The following RFTN1 variants were observed in gnomAD, a reference collection of about 807,000 sequenced individuals.
The protein encoded by RFTN1 is raftlin.
A neutral mutation model predicts 46.5 loss-of-function variants in RFTN1; 26 were observed. The observed-to-expected ratio is 0.56, with a 90% confidence interval of 0.41 to 0.78. The LOEUF is 0.78. Ranked by LOEUF, RFTN1 falls within the 30% of genes least tolerant of loss-of-function variation. The pLI is 0.00. For synonymous variants in RFTN1, 261 were observed against 284.2 expected (o/e 0.92, Z 0.82); for missense variants, 693 against 718.7 (o/e 0.96, Z 0.41).
In RFTN1 at chr3:16,493,860, C is replaced by T. The variant is rs750451714; in HGVS notation, c.10G>A (p.Gly4Arg). Residue 4 changes from glycine to arginine, a missense_variant, in exon 2 of 10, where the codon GGA becomes AGA. Physicochemically the swap from Gly to Arg is moderately radical, Grantham distance 125. Coordinates refer to ENST00000334133, the MANE Select transcript of RFTN1 (RefSeq NM_015150.2). ...TCACGTTTCTCTAACTTGTTCAATC[C>T]GCAACCCATTTCAGCAGCTGCTGGC... MGC[G>R]LNKLEKRDEK... 56 of 1,614,006 alleles carry T rather than the reference C, an allele frequency of 3.5e-5. No individual in the cohort carries two copies. The highest frequency in any genetic ancestry group is 1.6e-4 in the Middle Eastern group (1 of 6,084).
At chr3:16,401,697 T>C (rs1300518171) in intron 4 of RFTN1, among the ~76,000 whole-genome samples, 3 of 152,250 alleles carry the variant, frequency 2.0e-5, no homozygotes, top group African/African-American at 4.8e-5. Flanking sequence ...TCACCACAGA[T>C]AGCGTGAGAC....
rs777021534 is a variant in RFTN1, at chr3:16,387,196, G to A, written c.442-9094C>T. ...CTGTCTGACACATCCCACAAATGTC[G>A]CATCCATCCAGTCCACCCAGGGCCA... is the stretch of plus-strand genomic sequence containing the variant. On this transcript the variant is annotated intron_variant, in intron 4 of 9. Transcript: ENST00000334133. This position sits in a 1 kb window ranked among gnomAD's most constrained non-coding sequence, Gnocchi z 5.2. 3.9e-5 allele frequency among the ~76,000 whole-genome samples: 6 copies of A among 151,974 alleles called. No homozygotes were observed. Among genetic ancestry groups the A allele is most frequent in the East Asian group, 1.9e-4 (1 of 5,190 alleles).
In RFTN1 at chr3:16,451,269, C is replaced by T. The variant is rs369878996; in HGVS notation, c.146-17232G>A. ...GTCAAGGGAAGACGGAACAGCAGAA[C>T]GTCTCATCAGTGACCTCCTCTTACC... On this transcript the variant is annotated intron_variant, in intron 2 of 9. Coordinates refer to ENST00000334133, the MANE Select transcript of RFTN1 (RefSeq NM_015150.2). The surrounding 1 kb of genome is among the most constrained non-coding windows in gnomAD (Gnocchi z 4.2). 7.2e-5 allele frequency among the ~76,000 whole-genome samples: 11 copies of T among 152,292 alleles called. No homozygotes were observed. The East Asian group carries it at 9.7e-4, about 13-fold the overall frequency.
chr3:16,367,755 G>A (rs191187428), intron 6 of RFTN1, among the ~76,000 whole-genome samples: 1,495 of 126,810 alleles, frequency 0.012, no homozygotes, highest in South Asian at 0.037. Context: ...GTGGGGTGAC[G>A]GGAAGTAGAG....
chr3:16,366,738 G>C (rs1328500988), intron 6 of RFTN1, among the ~76,000 whole-genome samples: 1 of 152,186 alleles, frequency 6.6e-6, no homozygotes, highest in Non-Finnish European at 1.5e-5. Flanking sequence ...ACTTCACTGA[G>C]GTATTGTGAG....
In RFTN1 at chr3:16,440,836, G is replaced by C. The variant is rs1290741050; in HGVS notation, c.146-6799C>G. ...AAGTCAAGACCTAGCAGCCTGCAGA[G>C]TATGGATGGGGCATTTGATAAAGTT... On this transcript the variant is annotated intron_variant, in intron 2 of 9. Coordinates refer to ENST00000334133, the MANE Select transcript of RFTN1 (RefSeq NM_015150.2). The surrounding 1 kb of genome is among the most constrained non-coding windows in gnomAD (Gnocchi z 4.6). 1.3e-5 allele frequency among the ~76,000 whole-genome samples: 2 copies of C among 152,196 alleles called. No homozygotes were observed. Among genetic ancestry groups the C allele is most frequent in the Non-Finnish European group, 2.9e-5 (2 of 68,046 alleles).
chr3:16,393,163 G>A (rs909218361), intron 4 of RFTN1, among the ~76,000 whole-genome samples: 3 of 152,202 alleles, frequency 2.0e-5, no homozygotes, highest in African/African-American at 7.2e-5. Flanking sequence ...AAGGAAAATA[G>A]AGGAGACAAA....
intron 7 of RFTN1, among the ~76,000 whole-genome samples, chr3:16,333,857 A>G (rs893772772): frequency 6.6e-6 from 1 of 152,216 alleles, no homozygotes; most frequent in South Asian, 2.1e-4. Context: ...GCAGAATCTC[A>G]TAAGAAAAAT....
intron 3 of RFTN1, among the ~76,000 whole-genome samples, chr3:16,420,484 C>T (rs892059636): frequency 1.3e-5 from 2 of 152,246 alleles, no homozygotes; most frequent in African/African-American, 4.8e-5. Flanking sequence ...GAGACTCTCT[C>T]ATGGGACCTG....
At chr3:16,318,912 G>T (rs1390468148) in intron 9 of RFTN1, among the ~76,000 whole-genome samples, 1 of 152,190 alleles carries the variant, frequency 6.6e-6, no homozygotes, top group African/African-American at 2.4e-5. Context: ...AGGCTAAGTG[G>T]TGTCTCAGAC....
rs925939452 is a variant in RFTN1 at position 16,336,774 on chromosome 3, G to A, written c.1147-9898C>T. On this transcript the variant is annotated intron_variant, in intron 7 of 9. Transcript: ENST00000334133. This position sits in a 1 kb window ranked among gnomAD's most constrained non-coding sequence, Gnocchi z 6.0. Reference sequence around the variant, plus strand: ...GAGACTCTTTACCCACCCAGTGCTGGTGAATTCACATCTTTGTCTCATTTT... The same window carrying A: ...GAGACTCTTTACCCACCCAGTGCTGATGAATTCACATCTTTGTCTCATTTT... Among the ~76,000 whole-genome samples, 1 of 152,104 alleles carries A rather than the reference G, an allele frequency of 6.6e-6. No individual in the cohort carries two copies. Among genetic ancestry groups the A allele is most frequent in the Non-Finnish European group, 1.5e-5 (1 of 68,034 alleles).
At chr3:16,330,678 G>C (rs533766091) in intron 7 of RFTN1, among the ~76,000 whole-genome samples, 1 of 152,164 alleles carries the variant, frequency 6.6e-6, no homozygotes, top group African/African-American at 2.4e-5. Flanking sequence ...TTTTCAACTC[G>C]TATAAAAGGA....
At chr3:16,485,145 A>G (rs576374309) in intron 2 of RFTN1, among the ~76,000 whole-genome samples, 22 of 152,352 alleles carry the variant, frequency 1.4e-4, no homozygotes, top group Non-Finnish European at 2.6e-4. Context: ...AAACATCCAC[A>G]CAAAACACTT....
At chr3:16,319,278 G>C (rs976389312) in intron 9 of RFTN1, among the ~76,000 whole-genome samples, 3 of 152,218 alleles carry the variant, frequency 2.0e-5, no homozygotes, top group Non-Finnish European at 4.4e-5. Flanking sequence ...GTCAGAGGAA[G>C]TTTTACTGTT....
In RFTN1 at chr3:16,429,211, G is replaced by C. The variant is rs2075340389; in HGVS notation, c.332+4640C>G. Among the ~76,000 whole-genome samples the C allele has an allele frequency of 6.6e-6, 1 of 152,198 alleles. No homozygotes were observed. The highest frequency in any genetic ancestry group is 1.5e-5 in the Non-Finnish European group (1 of 68,036). On this transcript the variant is annotated intron_variant, in intron 3 of 9. Transcript: ENST00000334133. This position sits in a 1 kb window ranked among gnomAD's most constrained non-coding sequence, Gnocchi z 6.4. ...TTAGAATTTTCAGAAGAAAAGATCA[G>C]GTAATTTTTCAGGGATGTAAGTGAA...
At position 16,450,463 on chromosome 3, in the gene RFTN1, C is replaced by T. The variant is rs1013728601; in HGVS notation, c.146-16426G>A. On this transcript the variant is annotated intron_variant, in intron 2 of 9. Transcript: ENST00000334133. The surrounding 1 kb of genome is among the most constrained non-coding windows in gnomAD (Gnocchi z 4.6). Reference sequence around the variant, plus strand: ...CCTGAGGCCCATCCAAGGGCTCTCTCCCACTGCACCATGATGCTGCATGAC... The same window carrying T: ...CCTGAGGCCCATCCAAGGGCTCTCTTCCACTGCACCATGATGCTGCATGAC... 2.0e-5 allele frequency among the ~76,000 whole-genome samples: 3 copies of T among 152,190 alleles called. No homozygotes were observed. Among genetic ancestry groups the T allele is most frequent in the Non-Finnish European group, 4.4e-5 (3 of 68,022 alleles).
chr3:16,419,445 G>A (rs1355567101), intron 3 of RFTN1, among the ~76,000 whole-genome samples: 2 of 152,310 alleles, frequency 1.3e-5, no homozygotes, highest in East Asian at 1.9e-4. Flanking sequence ...CAGCAGCAAT[G>A]AGAACTGTAC....
chr3:16,369,427 C>T (rs190230498), intron 6 of RFTN1, among the ~76,000 whole-genome samples: 15 of 152,388 alleles, frequency 9.8e-5, no homozygotes, highest in African/African-American at 3.6e-4. Context: ...ACTTGACACA[C>T]CCTGGTGACT....
intron 7 of RFTN1, among the ~76,000 whole-genome samples, chr3:16,343,850 G>A (rs1365460217): frequency 6.6e-6 from 1 of 152,224 alleles, no homozygotes; most frequent in Non-Finnish European, 1.5e-5. Flanking sequence ...AAGGTGAAAT[G>A]TGGTTGTTTC....
Sources: gnomAD v4.1 joint callset for allele counts (sites outside exome capture counted in the v4.1 genomes callset) on GRCh38, gnomAD v4.1.1 for gene constraint, Gnocchi (gnomAD v3.1) non-coding constraint, MANE v1.5 for transcripts, NCBI Gene and HGNC (gene_info 2026-07-23, HGNC 2026-07-21) for gene names.